The following PKIB variants were observed in gnomAD, a reference collection of about 807,000 sequenced individuals.
PKIB encodes the protein PKI-beta.
PKIB carries 2 observed loss-of-function variants against 4.5 expected under a neutral mutation model. The observed-to-expected ratio is 0.44, with a 90% CI of 0.18 to 1.39. PKIB has a LOEUF of 1.39. PKIB is among the 40% of genes most tolerant of loss of function. The probability of loss-of-function intolerance (pLI) is 0.27; values close to 1 mark genes in which losing one functional copy is unlikely to be tolerated. For synonymous variants in PKIB, 38 were observed against 36.0 expected, an observed-to-expected ratio of 1.06 and a Z score of -0.20; for missense variants, 94 against 92.6, an observed-to-expected ratio of 1.02 and a Z score of -0.06.
intron 3 of PKIB, among the ~76,000 whole-genome samples, chr6:122,601,713 G>A (rs530483208): frequency 2.6e-5 from 4 of 152,158 alleles, no homozygotes; most frequent in African/African-American, 4.8e-5. Context: ...TCTTCCTTAT[G>A]ACTTTCTTAC....
upstream of PKIB, among the ~76,000 whole-genome samples, chr6:122,609,046 AT>A (rs1562268308): frequency 6.6e-6 from 1 of 151,948 alleles, no homozygotes; most frequent in East Asian, 1.9e-4. Context: ...AATGATATAA[AT>A]AACTCTCAGT....
At chr6:122,641,014 C>T (rs776725308) in intron 2 of PKIB, among the ~76,000 whole-genome samples, 35 of 152,090 alleles carry the variant, frequency 2.3e-4, no homozygotes, top group African/African-American at 3.1e-4. Flanking sequence ...AAAATTGACT[C>T]ATTTTATTTT....
At chr6:122,713,013 G>C (rs756916707) in intron 3 of PKIB, among the ~76,000 whole-genome samples, 4 of 151,894 alleles carry the variant, frequency 2.6e-5, no homozygotes, top group African/African-American at 9.7e-5. Flanking sequence ...TGAACATCTC[G>C]TCCTCTTGAG....
intron 2 of PKIB, among the ~76,000 whole-genome samples, chr6:122,564,142 A>C (rs187695963): frequency 3.3e-4 from 50 of 152,254 alleles, no homozygotes; most frequent in African/African-American, 1.1e-3. Context: ...CGGGAGAGGA[A>C]GGTTTCCCTT....
upstream of PKIB, among the ~76,000 whole-genome samples, chr6:122,605,452 C>T (rs1582731104): frequency 2.0e-5 from 3 of 152,288 alleles, no homozygotes; most frequent in South Asian, 4.1e-4. Context: ...CTGATTTCGA[C>T]ATTTCCTTCT....
intron 3 of PKIB, among the ~76,000 whole-genome samples, chr6:122,684,374 G>A (rs566578200): frequency 6.6e-6 from 1 of 152,036 alleles, no homozygotes; most frequent in South Asian, 2.1e-4. Flanking sequence ...TAAAAATTGG[G>A]AGGAAAAAAA....
rs942840178 is a variant in PKIB at position 122,542,670 on chromosome 6, C to T, written c.-247-43251C>T. 1.6e-4 allele frequency among the ~76,000 whole-genome samples: 24 copies of T among 152,224 alleles called. 1 individual carries two copies. The highest frequency in any genetic ancestry group is 4.6e-4 in the African/African-American group (19 of 41,478). The stretch of plus-strand genomic sequence containing the variant: ...GTTAGGCTGCTCGGGGGTCAAGGAC[C>T]CACTTGAGGAGGCAGTCTGCCTTTT... On this transcript the variant is annotated intron_variant, in intron 2 of 6. Coordinates refer to the PKIB transcript ENST00000392491.
intron 2 of PKIB, among the ~76,000 whole-genome samples, chr6:122,560,077 T>C (rs187208255): frequency 1.9e-4 from 29 of 152,268 alleles, no homozygotes; most frequent in Non-Finnish European, 3.4e-4. Context: ...TCCAGTACTA[T>C]GTTGAAGAGG....
chr6:122,574,248 G>C (rs986668132), intron 2 of PKIB, among the ~76,000 whole-genome samples: 1 of 152,058 alleles, frequency 6.6e-6, no homozygotes, highest in Non-Finnish European at 1.5e-5. Context: ...CTACACTGCT[G>C]AAGGAAATCA....
intron 3 of PKIB, among the ~76,000 whole-genome samples, chr6:122,600,844 C>T (rs946609341): frequency 2.6e-5 from 4 of 151,812 alleles, no homozygotes; most frequent in Non-Finnish European, 5.9e-5. Context: ...AAAAACCAAT[C>T]AATAGTAACA....
intron 2 of PKIB, among the ~76,000 whole-genome samples, chr6:122,552,265 A>G (rs1772694793): frequency 6.6e-6 from 1 of 152,170 alleles, no homozygotes; most frequent in Non-Finnish European, 1.5e-5. Flanking sequence ...TTTCTAGTGC[A>G]GGTAACTTCT....
chr6:122,700,055 A>G (rs1229034334), intron 3 of PKIB, among the ~76,000 whole-genome samples: 5 of 152,256 alleles, frequency 3.3e-5, no homozygotes, highest in Non-Finnish European at 7.4e-5. Context: ...TTAAGAACCT[A>G]TACTGTAGAG....
intron 2 of PKIB, among the ~76,000 whole-genome samples, chr6:122,530,138 C>A (rs1355830363): frequency 6.6e-6 from 1 of 151,952 alleles, no homozygotes; most frequent in African/African-American, 2.4e-5. Context: ...GTTTGATTCT[C>A]TGATTCAATC....
intron 1 of PKIB, among the ~76,000 whole-genome samples, chr6:122,615,757 T>C (rs1421693798): frequency 6.6e-6 from 1 of 152,014 alleles, no homozygotes; most frequent in East Asian, 1.9e-4. Flanking sequence ...ATGACAATGC[T>C]GGGGGAGATT....
chr6:122,518,284 A>G (rs972040789), intron 2 of PKIB, among the ~76,000 whole-genome samples: 1 of 152,206 alleles, frequency 6.6e-6, no homozygotes, highest in African/African-American at 2.4e-5. Context: ...GGCCTAGATT[A>G]CCAACCCTGC....
At chr6:122,721,551 A>G (rs1024589675) in intron 4 of PKIB, among the ~76,000 whole-genome samples, 3 of 152,186 alleles carry the variant, frequency 2.0e-5, no homozygotes, top group Non-Finnish European at 4.4e-5. Flanking sequence ...CTGAAGAAGC[A>G]TCTTGCAGAA....
intron 2 of PKIB, among the ~76,000 whole-genome samples, chr6:122,522,797 A>G (rs1776984994): frequency 6.6e-6 from 1 of 152,166 alleles, no homozygotes; most frequent in East Asian, 1.9e-4. Context: ...GAAATGCAGA[A>G]ATCCCTTGCC....
chr6:122,697,231 C>T (rs564091068), intron 3 of PKIB, among the ~76,000 whole-genome samples: 7 of 152,082 alleles, frequency 4.6e-5, no homozygotes, highest in African/African-American at 1.7e-4. Flanking sequence ...AGAAACTGTG[C>T]CTGGTCCCCT....
chr6:122,713,179 C>T (rs549574546), intron 3 of PKIB, among the ~76,000 whole-genome samples: 3 of 152,200 alleles, frequency 2.0e-5, no homozygotes, highest in African/African-American at 7.2e-5. Flanking sequence ...GTGTCTCAGG[C>T]AACGTAAATT....
Sources: allele counts gnomAD v4.1 joint callset (sites outside exome capture counted in the v4.1 genomes callset), GRCh38; gene constraint gnomAD v4.1.1; transcripts MANE v1.5; gene names NCBI Gene and HGNC (gene_info 2026-07-23, HGNC 2026-07-21).